Variants in GLIPR1 observed in about 807,000 individuals in gnomAD.
GLIPR1 encodes glioma pathogenesis-related protein 1.
A neutral mutation model predicts 30.3 loss-of-function variants in GLIPR1; 38 were observed. The observed-to-expected ratio is 1.26, with a 90% CI of 0.97 to 1.65. The LOEUF is 1.65. Among genes scored for constraint, GLIPR1 ranks in the 40% most tolerant of loss-of-function variants. GLIPR1 has a pLI of 0.00. For synonymous variants in GLIPR1, 122 were observed against 110.6 expected (o/e 1.10, Z -0.65); for missense variants, 285 against 326.5 (o/e 0.87, Z 0.98).
chr12:75,484,971 A>G (rs10879922), intron 2 of GLIPR1: 53,026 of 153,012 alleles, frequency 0.35, 9,596 homozygotes, highest in East Asian at 0.47. Context: ...ATCCTTACAT[A>G]AGCTGGTTTT....
chr12:75,495,997 G>T (rs1325055013), intron 4 of GLIPR1: 33 of 132,298 alleles, frequency 2.5e-4, no homozygotes, highest in South Asian at 6.6e-4. Flanking sequence ...TTCTGTTTTC[G>T]TTTTTTTTTT....
At chr12:75,490,381 G>A in intron 2 of GLIPR1, 25 bp from the exon 3 acceptor site, 1 of 1,290,030 alleles carries the variant, frequency 7.8e-7, no homozygotes, top group Non-Finnish European at 1.1e-6. Context: ...GTTTTTCTCT[G>A]TTAAAAATCC....
intron 3 of GLIPR1, chr12:75,491,616 T>C (rs1324792236): frequency 5.9e-5 from 9 of 152,172 alleles, no homozygotes; most frequent in Non-Finnish European, 8.8e-5. Flanking sequence ...CCATCAGTAC[T>C]AGGTATTATA....
At chr12:75,488,456 G>T (rs2046303677) in intron 2 of GLIPR1, among the ~76,000 whole-genome samples, 1 of 152,160 alleles carries the variant, frequency 6.6e-6, no homozygotes, top group Non-Finnish European at 1.5e-5. Context: ...AGAATCGCTT[G>T]AACCTGGGAG....
rs753248715 is a variant in GLIPR1, at chr12:75,501,966, A to C, written c.*2988A>C. On this transcript the variant is annotated 3_prime_UTR_variant, in exon 6 of 6. Coordinates refer to ENST00000266659, the MANE Select transcript of GLIPR1 (RefSeq NM_006851.3). Reference sequence around the variant, plus strand: ...CTGCCGCTTCTTCTGATTTGCCTTCAAAAAGTATTCACCACTAGCCAATTC... The same window carrying C: ...CTGCCGCTTCTTCTGATTTGCCTTCCAAAAGTATTCACCACTAGCCAATTC... 1.2e-6 allele frequency: 2 copies of C among 1,612,408 alleles called. No homozygotes were observed. The highest frequency in any genetic ancestry group is 2.2e-5 in the South Asian group (2 of 91,028).
chr12:75,481,872 G>A lies in GLIPR1; in HGVS notation c.213G>A (p.Trp71Ter). Reference sequence around the variant, plus strand: ...CACTAGCCCAAATTGCAAAAGCATGGGCCAGCAATTGCCAGTTTTCACATA... The same window carrying A: ...CACTAGCCCAAATTGCAAAAGCATGAGCCAGCAATTGCCAGTTTTCACATA... ...DPALAQIAKA[W>*]ASNCQFSHNT... is the part of the protein sequence containing the mutation. Residue 71 changes from tryptophan (W) to a stop codon, truncating the protein, a stop_gained, in exon 2 of 6, where the codon TGG becomes TGA. Transcript: ENST00000266659. LOFTEE classifies it high-confidence loss of function. 6.2e-7 allele frequency: 1 copy of A among 1,614,014 alleles called. No homozygotes were observed. Among genetic ancestry groups the A allele is most frequent in the Non-Finnish European group, 8.5e-7 (1 of 1,179,926 alleles).
At chr12:75,492,469 T>C (rs536586339) in intron 3 of GLIPR1, 3 of 152,330 alleles carry the variant, frequency 2.0e-5, no homozygotes, top group South Asian at 2.1e-4. Flanking sequence ...TAACCTCCAA[T>C]AGATCAGGGT....
In GLIPR1 at chr12:75,490,523, G is replaced by GCC. The variant is rs1464280257; in HGVS notation, c.533+5_533+6insCC. 1 of 832,920 alleles carries GCC rather than the reference G, an allele frequency of 1.2e-6. No individual in the cohort carries two copies. The highest frequency in any genetic ancestry group is 4.6e-5 in the East Asian group (1 of 21,680). The allele number at this position is 832,920 out of a possible 1,614,324, so 51.6% of individuals were successfully genotyped here. ...TATATGCAACTACGGACCAGGGTAA[G>GCC]TGCCTGAATCAACCGGTTTATAGGA... On this transcript the variant is annotated splice_donor_region_variant and intron_variant, in intron 3 of 5. Coordinates refer to ENST00000266659, the MANE Select transcript of GLIPR1 (RefSeq NM_006851.3).
chr12:75,481,814 T>C lies in GLIPR1; in HGVS notation c.175-20T>C, dbSNP rs745811065. The stretch of plus-strand genomic sequence containing the variant: ...TACATTTCAGATGAACCCCCTATTG[T>C]TTAATGTTTATTTTTGCAGACTTGG... On this transcript the variant is annotated intron_variant, in intron 1 of 5. Transcript: ENST00000266659. 11 of 1,612,442 alleles carry C rather than the reference T, an allele frequency of 6.8e-6. No homozygotes were observed. The highest frequency in any genetic ancestry group is 8.5e-6 in the Non-Finnish European group (10 of 1,178,556).
At chr12:75,489,767 C>G (rs1468046168) in intron 2 of GLIPR1, 1 of 152,304 alleles carries the variant, frequency 6.6e-6, no homozygotes, top group Non-Finnish European at 1.5e-5. Context: ...AAACAGCCTC[C>G]AAAATTACCT....
At chr12:75,497,711 C>G (rs1295040843) in intron 4 of GLIPR1, 1 of 151,952 alleles carries the variant, frequency 6.6e-6, no homozygotes, top group Non-Finnish European at 1.5e-5. Flanking sequence ...GCATAAATTC[C>G]TTCGTGGTAT....
intron 3 of GLIPR1, chr12:75,491,245 C>T (rs999290289): frequency 2.6e-5 from 4 of 152,186 alleles, no homozygotes; most frequent in Admixed American, 6.5e-5. Context: ...ACTTAATCTT[C>T]ACCAGAAGTT....
rs2046378107 is a variant in GLIPR1 at position 75,499,759 on chromosome 12, C to CAAAATCCTTTACAA, written c.*784_*797dup. ...ATAAGGCAACTAATGCCTGATATCT[C>CAAAATCCTTTACAA]AAAATCCTTTACAAAAGGAGATAGT... On this transcript the variant is annotated 3_prime_UTR_variant, in exon 6 of 6. Transcript: ENST00000266659. The CAAAATCCTTTACAA allele has an allele frequency of 6.9e-7, 1 of 1,449,788 alleles. No homozygotes were observed. Among genetic ancestry groups the CAAAATCCTTTACAA allele is most frequent in the Admixed American group, 2.3e-5 (1 of 42,772 alleles). 89.8% of individuals were successfully genotyped at this position (1,449,788 alleles called of 1,614,324 possible). A position where few individuals can be genotyped will look rare whatever the true frequency, so the allele number is the denominator to read the frequency against.
chr12:75,498,509 C>T, intron 4 of GLIPR1, 185 bp from the exon 5 acceptor site: 2 of 526,008 alleles, frequency 3.8e-6, no homozygotes, highest in Non-Finnish European at 6.7e-6. Flanking sequence ...TGTAAAAAGT[C>T]AACTTAAAAA....
At chr12:75,483,025 C>A (rs536601475) in intron 2 of GLIPR1, among the ~76,000 whole-genome samples, 21 of 152,262 alleles carry the variant, frequency 1.4e-4, no homozygotes, top group African/African-American at 5.1e-4. Flanking sequence ...TTTTAAGGAA[C>A]AACATGGTGT....
chr12:75,499,693 A>T lies in GLIPR1; in HGVS notation c.*715A>T. ...GAACACTCTTCTATGAACAACCACC[A>T]CCACCAAAAAAAAAAAAAGCCCTCA... On this transcript the variant is annotated 3_prime_UTR_variant, in exon 6 of 6. Coordinates refer to ENST00000266659, the MANE Select transcript of GLIPR1 (RefSeq NM_006851.3). The T allele has an allele frequency of 1.7e-6, 1 of 598,368 alleles. No individual in the cohort carries two copies. Among genetic ancestry groups the T allele is most frequent in the Non-Finnish European group, 2.7e-6 (1 of 371,068 alleles). 37.1% of individuals were successfully genotyped at this position (598,368 alleles called of 1,614,324 possible).
chr12:75,484,893 G>T, intron 2 of GLIPR1: 1 of 174,216 alleles, frequency 5.7e-6, no homozygotes, highest in South Asian at 1.9e-4. Flanking sequence ...TCAGAGGCCT[G>T]ACAAATAAAA....
intron 3 of GLIPR1, chr12:75,491,631 CTTAG>C (rs2046324426): frequency 6.6e-6 from 1 of 152,126 alleles, no homozygotes; most frequent in South Asian, 2.1e-4. Flanking sequence ...ATTATAATTT[CTTAG>C]TATTTTCTAA....
chr12:75,486,455 ATTG>A (rs2046294442), intron 2 of GLIPR1, among the ~76,000 whole-genome samples: 2 of 152,160 alleles, frequency 1.3e-5, no homozygotes, highest in Non-Finnish European at 2.9e-5. Flanking sequence ...TGGAGTTGGT[ATTG>A]TTATTATCCT....
Sources: gnomAD v4.1 joint callset for allele counts (sites outside exome capture counted in the v4.1 genomes callset) on GRCh38, gnomAD v4.1.1 for gene constraint, MANE v1.5 for transcripts, NCBI Gene and HGNC (gene_info 2026-07-23, HGNC 2026-07-21) for gene names.